MTUS1: variants seen among roughly 807,000 people sequenced by gnomAD.
MTUS1 encodes the protein microtubule-associated tumor suppressor 1.
MTUS1 carries 109 observed loss-of-function variants against 120.8 expected under a neutral mutation model. That is an observed-to-expected ratio of 0.90 (90% CI 0.77 to 1.06). The LOEUF (loss-of-function observed/expected upper bound fraction) is 1.06. Among genes scored for constraint, MTUS1 ranks in the 50% least tolerant of loss-of-function variants. The pLI is 0.00. For synonymous variants in MTUS1, 737 were observed against 550.5 expected, an observed-to-expected ratio of 1.34 and a Z score of -4.74; for missense variants, 2,210 against 1,486.3, an observed-to-expected ratio of 1.49 and a Z score of -8.01.
intron 1 of MTUS1, among the ~76,000 whole-genome samples, chr8:17,788,641 A>C (rs991985428): frequency 6.6e-6 from 1 of 152,178 alleles, no homozygotes; most frequent in Non-Finnish European, 1.5e-5. Context: ...GACTTCTGAG[A>C]ATCTCAACTA....
At position 17,715,119 on chromosome 8, in the gene MTUS1, T is replaced by C. The variant is rs370030918; in HGVS notation, c.2584+648A>G. Among the ~76,000 whole-genome samples, 15 of 152,044 alleles carry C rather than the reference T, an allele frequency of 9.9e-5. No individual in the cohort carries two copies. In the East Asian group the frequency reaches 2.7e-3, roughly 27 times the overall value. On this transcript the variant is annotated intron_variant, in intron 5 of 14. Transcript: ENST00000693296. ...TGGGGTTTTGCCATGTCGGCCAGGC[T>C]GGTCTCAAACTCCTGACCTCAAGCA...
Position 17,653,342 on chromosome 8 carries a change from G to A in MTUS1, c.3289-61C>T, listed in dbSNP as rs6992877. ...AGAAAACCCCAGAAACTCAGCATAC[G>A]TACACAGAAACATTAAAACCAAACA... On this transcript the variant is annotated intron_variant, in intron 11 of 14. Transcript: ENST00000693296. The A allele has an allele frequency of 4.7e-3, 7,008 of 1,498,026 alleles. 240 individuals are homozygous for A. In the African/African-American group the frequency reaches 0.083, roughly 18 times the overall value. The allele number at this position is 1,498,026 out of a possible 1,614,324, so 92.8% of individuals were successfully genotyped here.
At chr8:17,682,475 G>A (rs1222273632) in intron 7 of MTUS1, among the ~76,000 whole-genome samples, 1 of 138,700 alleles carries the variant, frequency 7.2e-6, no homozygotes, top group African/African-American at 2.7e-5. Context: ...CCCAGATCAC[G>A]CCATTGCATA....
intron 1 of MTUS1, among the ~76,000 whole-genome samples, chr8:17,797,446 T>TCAG (rs1284082104): frequency 6.9e-4 from 30 of 43,458 alleles, no homozygotes; most frequent in African/African-American, 2.5e-3. Context: ...AAATAAAAAG[T>TCAG]TAGAAGAAAT....
At chr8:17,681,542 T>G (rs532789861) in intron 7 of MTUS1, 1 of 154,902 alleles carries the variant, frequency 6.5e-6, no homozygotes, top group Admixed American at 6.5e-5. Flanking sequence ...TGGTGAGGAT[T>G]TAAATAAGGT....
chr8:17,742,291 GTTTTTT>G lies in MTUS1; in HGVS notation c.2287+1307_2287+1312del, dbSNP rs1237059839. ...GCTGTTTTTTTTTTTTGTTGTTGTT[GTTTTTT>G]TTTTTTTTTTTTTTAGAGATAGTGT... On this transcript the variant is annotated intron_variant, in intron 3 of 14. Transcript: ENST00000693296. 1.7e-4 allele frequency among the ~76,000 whole-genome samples: 16 copies of G among 94,696 alleles called. 1 individual carries two copies. The highest frequency in any genetic ancestry group is 6.9e-4 in the African/African-American group (16 of 23,272). 62.1% of individuals were successfully genotyped at this position (94,696 alleles called of 152,430 possible).
At chr8:17,648,296 C>T (rs545624847) in intron 13 of MTUS1, among the ~76,000 whole-genome samples, 23 of 152,306 alleles carry the variant, frequency 1.5e-4, no homozygotes, top group Non-Finnish European at 2.4e-4. Context: ...TTCTTGCACA[C>T]ATACACAATG....
chr8:17,697,072 G>C (rs1818115648), intron 6 of MTUS1, among the ~76,000 whole-genome samples: 1 of 152,194 alleles, frequency 6.6e-6, no homozygotes, highest in South Asian at 2.1e-4. Context: ...GCTGCCAAAA[G>C]TAAAAGTACT....
chr8:17,685,992 C>T (rs1815710444), intron 6 of MTUS1, among the ~76,000 whole-genome samples: 1 of 152,192 alleles, frequency 6.6e-6, no homozygotes, highest in African/African-American at 2.4e-5. Flanking sequence ...GAAAAATAAT[C>T]TAAATATTTG....
In MTUS1 at chr8:17,753,940, G is replaced by T. The variant is rs779426882; in HGVS notation, c.1868C>A (p.Ser623Ter). The change falls in exon 2 of 15, where the codon TCA becomes TAA. Residue 623 changes from serine to a stop codon, truncating the protein, a stop_gained. Coordinates refer to ENST00000693296, the MANE Select transcript of MTUS1 (RefSeq NM_001363059.2). LOFTEE classifies it high-confidence loss of function. ...AGAAACGGACCCGGTCTCGCATGCT[G>T]AGTTAGAAGAACTGGCTTTGTCAAC... ...EDVDKASSSN[S>*]ACETGSVSAL... 1 of 1,614,158 alleles carries T rather than the reference G, an allele frequency of 6.2e-7. No individual in the cohort carries two copies. The highest frequency in any genetic ancestry group is 8.5e-7 in the Non-Finnish European group (1 of 1,180,034).
chr8:17,684,305 C>G (rs752578561), intron 7 of MTUS1, 23 bp downstream of exon 7: 9 of 1,601,404 alleles, frequency 5.6e-6, no homozygotes, highest in Non-Finnish European at 7.7e-6. Flanking sequence ...TAGAAAGGCT[C>G]TTTCTAGGAT....
intron 1 of MTUS1, chr8:17,800,503 T>C (rs1237674957): frequency 1.3e-5 from 2 of 152,168 alleles, no homozygotes; most frequent in Non-Finnish European, 2.9e-5. Context: ...AACAAACAAC[T>C]TGGTAGAAAG....
chr8:17,654,769 G>A, intron 9 of MTUS1, 103 bp from the exon 10 acceptor site: 2 of 771,640 alleles, frequency 2.6e-6, no homozygotes, highest in Admixed American at 2.1e-5. Flanking sequence ...TCACAGGTAA[G>A]CGTGGGCTCT....
At chr8:17,743,480 T>C (rs1586101021) in intron 3 of MTUS1, 124 bp downstream of exon 3, 1 of 863,008 alleles carries the variant, frequency 1.2e-6, no homozygotes, top group East Asian at 2.6e-5. Flanking sequence ...CTACCTCCTG[T>C]GCTCAGGATG....
chr8:17,753,593 C>G (rs1393537746), intron 2 of MTUS1, 124 bp downstream of exon 2: 3 of 649,056 alleles, frequency 4.6e-6, no homozygotes, highest in Non-Finnish European at 7.6e-6. Context: ...GAATTAACAA[C>G]TAAATGTAAA....
intron 1 of MTUS1, among the ~76,000 whole-genome samples, chr8:17,758,922 C>A (rs56300645): frequency 0.14 from 20,566 of 152,210 alleles, 1,468 homozygotes; most frequent in Middle Eastern, 0.19. Flanking sequence ...GGCACTGTCG[C>A]CCGGGCTGGA....
At chr8:17,769,830 C>T (rs2131440814) in intron 1 of MTUS1, among the ~76,000 whole-genome samples, 1 of 145,294 alleles carries the variant, frequency 6.9e-6, no homozygotes, top group Non-Finnish European at 1.5e-5. Context: ...CATAAGCACT[C>T]AAGCAGTTTC....
intron 1 of MTUS1, among the ~76,000 whole-genome samples, chr8:17,782,617 C>T (rs1295006732): frequency 6.6e-6 from 1 of 152,146 alleles, no homozygotes; most frequent in African/African-American, 2.4e-5. Flanking sequence ...TTATGTATTT[C>T]ATATCACACC....
chr8:17,754,253 C>T lies in MTUS1; in HGVS notation c.1555G>A (p.Val519Met), dbSNP rs1444383431. 6.2e-7 allele frequency: 1 copy of T among 1,614,108 alleles called. No individual in the cohort carries two copies. The highest frequency in any genetic ancestry group is 8.5e-7 in the Non-Finnish European group (1 of 1,180,022). ...NVKAKVMSRA[V>M]LQPKDAALSK... Reference sequence around the variant, plus strand: ...AAAGCAGCATCTTTGGGCTGCAACACTGCTCTAGACATAACTTTTGCTTTG... The same window carrying T: ...AAAGCAGCATCTTTGGGCTGCAACATTGCTCTAGACATAACTTTTGCTTTG... Residue 519 changes from valine (V) to methionine (M), a missense_variant, in exon 2 of 15, where the codon GTG becomes ATG. Coordinates refer to ENST00000693296, the MANE Select transcript of MTUS1 (RefSeq NM_001363059.2).
Sources: gnomAD v4.1 joint callset for allele counts (sites outside exome capture counted in the v4.1 genomes callset) on GRCh38, gnomAD v4.1.1 for gene constraint, MANE v1.5 for transcripts, NCBI Gene and HGNC (gene_info 2026-07-23, HGNC 2026-07-21) for gene names.